The following KCTD3 variants were observed in gnomAD, a reference collection of about 807,000 sequenced individuals.
KCTD3 encodes the protein potassium channel tetramerization domain containing 3, also known as BTB/POZ domain-containing protein KCTD3.
Under a neutral mutation model 85.8 loss-of-function variants are expected in KCTD3, and 41 were observed. The ratio of observed to expected loss-of-function variants is 0.48; its 90% CI spans 0.37 to 0.62. KCTD3 has a LOEUF of 0.62. KCTD3 is among the 20% of genes least tolerant of loss of function. KCTD3 has a pLI of 0.00. For missense variants in KCTD3, 724 were observed against 989.9 expected (o/e 0.73, Z 3.60); for synonymous variants, 338 against 345.4 (o/e 0.98, Z 0.24).
At chr1:215,591,738 C>T (rs1334086817) in intron 9 of KCTD3, among the ~76,000 whole-genome samples, 1 of 152,192 alleles carries the variant, frequency 6.6e-6, no homozygotes, top group Non-Finnish European at 1.5e-5. Flanking sequence ...GCTTATGCAA[C>T]TTTTATGCCA....
chr1:215,583,379 G>C (rs1415547109), intron 8 of KCTD3, among the ~76,000 whole-genome samples: 3 of 152,202 alleles, frequency 2.0e-5, no homozygotes, highest in Non-Finnish European at 4.4e-5. Flanking sequence ...ACTATCATGG[G>C]GCTGGTGAGA....
chr1:215,571,692 G>A (rs1047305801), intron 1 of KCTD3, among the ~76,000 whole-genome samples: 4 of 150,364 alleles, frequency 2.7e-5, no homozygotes, highest in African/African-American at 4.9e-5. Context: ...GTGCAGTGGC[G>A]CGATCTCAGC....
intron 15 of KCTD3, among the ~76,000 whole-genome samples, chr1:215,615,931 CTGTCTCT>C (rs1293766149): frequency 1.3e-5 from 2 of 152,176 alleles, no homozygotes; most frequent in African/African-American, 4.8e-5. Flanking sequence ...CCAGTGGAGA[CTGTCTCT>C]GTGTGGCATT....
intron 8 of KCTD3, 110 bp downstream of exon 8, chr1:215,580,109 TC>T: frequency 1.5e-6 from 1 of 680,620 alleles, no homozygotes; most frequent in South Asian, 1.8e-5. Context: ...TCAAGTTTTT[TC>T]CCTGCATATT....
At chr1:215,605,619 A>C (rs551913842) in intron 13 of KCTD3, among the ~76,000 whole-genome samples, 3 of 152,268 alleles carry the variant, frequency 2.0e-5, no homozygotes, top group East Asian at 3.9e-4. Flanking sequence ...CTCTGGTTGT[A>C]TGTTTAATAG....
chr1:215,573,422 T>G (rs1473288352), intron 1 of KCTD3, among the ~76,000 whole-genome samples: 2 of 152,138 alleles, frequency 1.3e-5, no homozygotes, highest in Admixed American at 1.3e-4. Flanking sequence ...AACCAGCATT[T>G]GTACTGGAGA....
intron 3 of KCTD3, among the ~76,000 whole-genome samples, chr1:215,574,801 G>GTA (rs1421882308): frequency 6.6e-6 from 1 of 152,162 alleles, no homozygotes; most frequent in Non-Finnish European, 1.5e-5. Context: ...CTCATTGATT[G>GTA]TATATATATA....
intron 9 of KCTD3, among the ~76,000 whole-genome samples, chr1:215,593,125 A>G (rs184495264): frequency 6.6e-6 from 1 of 152,330 alleles, no homozygotes; most frequent in East Asian, 1.9e-4. Context: ...GTTTGTTATC[A>G]TCATTAAAGT....
intron 4 of KCTD3, among the ~76,000 whole-genome samples, chr1:215,577,176 AC>A (rs1659618951): frequency 6.6e-6 from 1 of 151,732 alleles, no homozygotes. Context: ...AATATTTATT[AC>A]ATAACTATTT....
intron 8 of KCTD3, among the ~76,000 whole-genome samples, chr1:215,585,384 A>G (rs1456426166): frequency 6.6e-6 from 1 of 152,180 alleles, no homozygotes; most frequent in Non-Finnish European, 1.5e-5. Context: ...GCTCAATTGT[A>G]TATTCTTATG....
rs1558249145 is a variant in KCTD3, at chr1:215,620,529, C to T, written c.2359C>T (p.Pro787Ser). The change falls in exon 18 of 18, where the codon CCT (proline) becomes TCT (serine). Residue 787 changes from proline to serine, a missense_variant. This residue lies in a region of KCTD3 where 222 missense variants were observed against 217.7 expected (regional missense o/e 1.02). Transcript: ENST00000259154. ...TACTTCCGATGGAGGAACTGACTCA[C>T]CTGGTACTGCGTCCCCATCTCCTAC... is the stretch of plus-strand genomic sequence containing the variant. ...PSTSDGGTDSPGTASPSPTKT... is the reference protein window; with the variant it reads ...PSTSDGGTDSSGTASPSPTKT... 1 of 1,613,800 alleles carries T rather than the reference C, an allele frequency of 6.2e-7. No individual in the cohort carries two copies.
intron 15 of KCTD3, chr1:215,618,673 T>C (rs577514067): frequency 2.3e-6 from 1 of 431,504 alleles, no homozygotes; most frequent in East Asian, 3.8e-5. Context: ...AGTATTATCC[T>C]AATGATGGAT....
At chr1:215,618,655 T>G (rs1655547317) in intron 15 of KCTD3, 3 of 367,486 alleles carry the variant, frequency 8.2e-6, no homozygotes, top group East Asian at 4.3e-5. Flanking sequence ...AATCTTTTTT[T>G]GAAGTTGAGT....
chr1:215,605,355 A>G (rs1654974542), intron 13 of KCTD3, among the ~76,000 whole-genome samples: 1 of 152,150 alleles, frequency 6.6e-6, no homozygotes, highest in African/African-American at 2.4e-5. Flanking sequence ...ATGCCTTGCT[A>G]AAACAGTCTC....
intron 15 of KCTD3, 52 bp downstream of exon 15, chr1:215,611,973 C>T: frequency 1.7e-6 from 2 of 1,187,738 alleles, no homozygotes; most frequent in East Asian, 2.4e-5. Flanking sequence ...TTTTGTCTTA[C>T]AAAACATATG....
intron 8 of KCTD3, chr1:215,580,978 T>G: frequency 2.1e-6 from 1 of 467,142 alleles, no homozygotes; most frequent in Non-Finnish European, 4.4e-6. Flanking sequence ...TAAGAGTGTT[T>G]TGGCTGGGCA....
chr1:215,573,317 A>G (rs560904058), intron 1 of KCTD3, among the ~76,000 whole-genome samples: 62 of 152,322 alleles, frequency 4.1e-4, no homozygotes, highest in Middle Eastern at 3.4e-3. Flanking sequence ...ATTATTGGAC[A>G]TGAAGAGAGT....
intron 15 of KCTD3, among the ~76,000 whole-genome samples, chr1:215,614,125 C>T (rs571004046): frequency 2.5e-4 from 37 of 149,808 alleles, no homozygotes; most frequent in African/African-American, 6.9e-4. Flanking sequence ...CTCTGCCTCC[C>T]GGGTTCACAC....
intron 15 of KCTD3, among the ~76,000 whole-genome samples, chr1:215,615,085 A>G (rs1655382259): frequency 6.6e-6 from 1 of 152,194 alleles, no homozygotes; most frequent in Non-Finnish European, 1.5e-5. Context: ...GCATAATAAA[A>G]CAAATTTTAT....
Sources: allele counts gnomAD v4.1 joint callset (sites outside exome capture counted in the v4.1 genomes callset), GRCh38; gene constraint gnomAD v4.1.1; regional missense constraint gnomAD v4.1.1; transcripts MANE v1.5; gene names NCBI Gene and HGNC (gene_info 2026-07-23, HGNC 2026-07-21).